The following SEMA3G variants were observed in gnomAD, a reference collection of about 807,000 sequenced individuals.
SEMA3G encodes the protein semaphorin 3G, also known as semaphorin-3G.
A neutral mutation model predicts 86.2 loss-of-function variants in SEMA3G; 70 were observed. The observed-to-expected ratio is 0.81, with a 90% CI of 0.67 to 0.99. The LOEUF is 0.99. SEMA3G is among the 50% of genes least tolerant of loss of function. SEMA3G has a pLI of 0.00. For missense variants in SEMA3G, 1,002 were observed against 1,072.4 expected, an observed-to-expected ratio of 0.93 and a Z score of 0.92; for synonymous variants, 416 against 441.4, an observed-to-expected ratio of 0.94 and a Z score of 0.72.
rs371572928 is a variant in SEMA3G at position 52,438,993 on chromosome 3, G to T, written c.1468-32C>A. 3.7e-6 allele frequency: 6 copies of T among 1,608,604 alleles called. No individual in the cohort carries two copies. In the East Asian group the frequency reaches 1.3e-4, roughly 36 times the overall value. On this transcript the variant is annotated intron_variant, in intron 12 of 15. Transcript: ENST00000231721. ...AAGGAGAAGGGTCTCAGTGTGGGTC[G>T]GGTGGACCAAGACCTGCCCCTGCAC...
chr3:52,438,334 A>C lies in SEMA3G; in HGVS notation c.1510-135T>G, dbSNP rs1706087752. ...CCAGAACCTCTTGGATTCATTCAAA[A>C]AACAAAAAGTGTTTATCACCCATCT... is the stretch of plus-strand genomic sequence containing the variant. On this transcript the variant is annotated intron_variant, in intron 13 of 15. Transcript: ENST00000231721. 2.1e-6 allele frequency: 3 copies of C among 1,426,078 alleles called. No individual in the cohort carries two copies. The African/African-American group carries it at 4.3e-5, about 20-fold the overall frequency. The allele number at this position is 1,426,078 out of a possible 1,614,324, so 88.3% of individuals were successfully genotyped here. A position where few individuals can be genotyped will look rare whatever the true frequency, so the allele number is the denominator to read the frequency against.
intron 1 of SEMA3G, among the ~76,000 whole-genome samples, chr3:52,444,330 C>T (rs1706217799): frequency 6.6e-6 from 1 of 152,128 alleles, no homozygotes; most frequent in African/African-American, 2.4e-5. Context: ...CTCCCACCGC[C>T]ACCCTGGTCC....
In SEMA3G at chr3:52,440,524, G is replaced by A; in HGVS notation, c.999-3C>T. 3.1e-6 allele frequency: 5 copies of A among 1,606,556 alleles called. No homozygotes were observed. Among genetic ancestry groups the A allele is most frequent in the Non-Finnish European group, 4.2e-6 (5 of 1,177,042 alleles). On this transcript the variant is annotated splice_polypyrimidine_tract_variant and splice_region_variant and intron_variant, in intron 9 of 15. Coordinates refer to ENST00000231721, the MANE Select transcript of SEMA3G (RefSeq NM_020163.3). The stretch of plus-strand genomic sequence containing the variant: ...CGGCGAAGCCCTGGAACACGGCACT[G>A]CCGGGGCACATGGGACAGTCAGGCC...
intron 13 of SEMA3G, 31 bp downstream of exon 13, chr3:52,438,889 G>A: frequency 6.2e-7 from 1 of 1,611,870 alleles, no homozygotes; most frequent in Non-Finnish European, 8.5e-7. Flanking sequence ...GCAGAAGGGG[G>A]GTCCAAGAGG....
Position 52,435,894 on chromosome 3 carries a change from C to A in SEMA3G, c.2058G>T (p.Glu686Asp). The change falls in exon 16 of 16, where the codon GAG (glutamate) becomes GAT (aspartate). Residue 686 changes from glutamate (E) to aspartate (D), a missense_variant. Glu to Asp is a conservative substitution (Grantham distance 45). Transcript: ENST00000231721. ...GGGCTGGGGGCTCCTCTGGCTTTGG[C>A]TCCGGAGGGAACAGGTTGTCCAGCT... ...ASQLDNLFPP[E>D]PKPEEPPARG... The A allele has an allele frequency of 6.2e-7, 1 of 1,614,074 alleles. No individual in the cohort carries two copies. Among genetic ancestry groups the A allele is most frequent in the Non-Finnish European group, 8.5e-7 (1 of 1,180,036 alleles).
intron 1 of SEMA3G, among the ~76,000 whole-genome samples, chr3:52,443,946 C>A (rs1706209592): frequency 6.6e-6 from 1 of 152,192 alleles, no homozygotes. Context: ...TCCGTGGAGG[C>A]CTGAGCCGGC....
chr3:52,442,870 G>T lies in SEMA3G; in HGVS notation c.153C>A (p.Gly51=). 6.2e-7 allele frequency: 1 copy of T among 1,608,116 alleles called. No individual in the cohort carries two copies. The highest frequency in any genetic ancestry group is 2.2e-5 in the East Asian group (1 of 44,626). The change falls in exon 2 of 16, where the codon GGC becomes GGA. Residue 51 remains glycine (G), a synonymous_variant. Transcript: ENST00000231721. The surrounding 1 kb of genome is among the most constrained non-coding windows in gnomAD (Gnocchi z 6.1). The stretch of plus-strand genomic sequence containing the variant: ...CCTGGAGGTTCAGGGAGCCCTGGGG[G>T]CCCAGAAAGATGGCAGAGCGGTTGG... ...LSANRSAIFL[G]PQGSLNLQAM... is the part of the protein sequence containing the mutation.
At chr3:52,440,892 TC>T in intron 8 of SEMA3G, 41 bp downstream of exon 8, 1 of 1,599,054 alleles carries the variant, frequency 6.3e-7, no homozygotes. Flanking sequence ...CTCTCAGCCC[TC>T]CCCACTCCCG....
At chr3:52,441,722 G>T in intron 5 of SEMA3G, 32 bp from the exon 6 acceptor site, 1 of 1,601,948 alleles carries the variant, frequency 6.2e-7, no homozygotes, top group African/African-American at 1.3e-5. Context: ...AGAGTCAGGG[G>T]AGGAGGCCCA....
rs1266846735 is a variant in SEMA3G at position 52,433,199 on chromosome 3, T to C, written c.*2404A>G. On this transcript the variant is annotated 3_prime_UTR_variant, in exon 16 of 16. Coordinates refer to ENST00000231721, the MANE Select transcript of SEMA3G (RefSeq NM_020163.3). ...GTCCTTTTCCAGCTCTAAAACCTGT[T>C]TGGGAAATCATGAAACAGAAGTCAC... is the stretch of plus-strand genomic sequence containing the variant. 1 of 152,204 alleles carries C rather than the reference T, an allele frequency of 6.6e-6. No individual in the cohort carries two copies. The highest frequency in any genetic ancestry group is 2.4e-5 in the African/African-American group (1 of 41,456). 9.4% of individuals were successfully genotyped at this position (152,204 alleles called of 1,614,324 possible).
chr3:52,442,925 G>A lies in SEMA3G; in HGVS notation c.116-18C>T. On this transcript the variant is annotated intron_variant, in intron 1 of 15. Coordinates refer to ENST00000231721, the MANE Select transcript of SEMA3G (RefSeq NM_020163.3). This position sits in a 1 kb window ranked among gnomAD's most constrained non-coding sequence, Gnocchi z 6.1. The stretch of plus-strand genomic sequence containing the variant: ...CAGGAGGTCTAGGAGGATGTATGGG[G>A]AGGCAGATCAGGGCCACAGCTCAGC... 1 of 1,576,346 alleles carries A rather than the reference G, an allele frequency of 6.3e-7. No homozygotes were observed. Among genetic ancestry groups the A allele is most frequent in the Non-Finnish European group, 8.6e-7 (1 of 1,160,984 alleles).
chr3:52,438,202 G>A lies in SEMA3G; in HGVS notation c.1510-3C>T, dbSNP rs1271652877. The A allele has an allele frequency of 1.9e-6, 3 of 1,611,088 alleles. No individual in the cohort carries two copies. The highest frequency in any genetic ancestry group is 2.5e-6 in the Non-Finnish European group (3 of 1,178,750). Reference sequence around the variant, plus strand: ...CGAGAGCCCACGTATAGCATTTGCTGGGGAGGGACAGAAGCAGAGCCTGAG... The same window carrying A: ...CGAGAGCCCACGTATAGCATTTGCTAGGGAGGGACAGAAGCAGAGCCTGAG... On this transcript the variant is annotated splice_region_variant and splice_polypyrimidine_tract_variant and intron_variant, in intron 13 of 15. Coordinates refer to ENST00000231721, the MANE Select transcript of SEMA3G (RefSeq NM_020163.3).
At position 52,441,010 on chromosome 3, in the gene SEMA3G, C is replaced by A; in HGVS notation, c.852G>T (p.Trp284Cys). ...CCAGCCTGGCCTTGAGGAAAGTGCT[C>A]CATTTGTTCACCAGCACCCGCTGGC... ...AGGQRVLVNK[W>C]STFLKARLVC... The change falls in exon 8 of 16, where the codon TGG (tryptophan) becomes TGT (cysteine). Residue 284 changes from tryptophan (W) to cysteine (C), a missense_variant. Coordinates refer to ENST00000231721, the MANE Select transcript of SEMA3G (RefSeq NM_020163.3). 1 of 1,604,074 alleles carries A rather than the reference C, an allele frequency of 6.2e-7. No individual in the cohort carries two copies.
intron 1 of SEMA3G, among the ~76,000 whole-genome samples, chr3:52,443,376 A>G (rs1372732210): frequency 6.6e-6 from 1 of 152,120 alleles, no homozygotes; most frequent in Non-Finnish European, 1.5e-5. Context: ...GGTGCAGAAA[A>G]GGGAAGGTAT....
rs1235351350 is a variant in SEMA3G at position 52,445,044 on chromosome 3, C to T, written c.-17G>A. On this transcript the variant is annotated 5_prime_UTR_variant, in exon 1 of 16. Transcript: ENST00000231721. ...GGGGGCCATGCTGGGGAACTGAGGG[C>T]ACCGCTGCCGCCTGCCTGCAGAGCC... 1.6e-6 allele frequency: 2 copies of T among 1,265,884 alleles called. No individual in the cohort carries two copies. The highest frequency in any genetic ancestry group is 2.0e-6 in the Non-Finnish European group (2 of 1,000,084). 78.4% of individuals were successfully genotyped at this position (1,265,884 alleles called of 1,614,324 possible). A position where few individuals can be genotyped will look rare whatever the true frequency, so the allele number is the denominator to read the frequency against.
chr3:52,437,682 G>A lies in SEMA3G; in HGVS notation c.1739-16C>T, dbSNP rs749212473. 1.2e-6 allele frequency: 2 copies of A among 1,604,440 alleles called. No individual in the cohort carries two copies. The highest frequency in any genetic ancestry group is 1.1e-5 in the South Asian group (1 of 90,760). ...ACTGCCTCTTCTGGAGAGAGGCAGA[G>A]GTTGGCTCAGCTTGGGAACTATGGG... On this transcript the variant is annotated splice_polypyrimidine_tract_variant and intron_variant, in intron 14 of 15. Coordinates refer to ENST00000231721, the MANE Select transcript of SEMA3G (RefSeq NM_020163.3).
chr3:52,440,760 G>C lies in SEMA3G; in HGVS notation c.992C>G (p.Thr331Ser), dbSNP rs1199397329. 64 of 1,612,886 alleles carry C rather than the reference G, an allele frequency of 4.0e-5. No homozygotes were observed. Among genetic ancestry groups the C allele is most frequent in the Non-Finnish European group, 5.4e-5 (64 of 1,179,834 alleles). Residue 331 changes from threonine to serine, a missense_variant, in exon 9 of 16, where the codon ACC (threonine) becomes AGC (serine). By Grantham distance (58) the Thr-to-Ser change is moderately conservative. Transcript: ENST00000231721. ...KSLEVYALFSTVSAVFQGFAV... is the reference protein window; with the variant it reads ...KSLEVYALFSSVSAVFQGFAV... The stretch of plus-strand genomic sequence containing the variant: ...GGGTGCTGGGTGTGCCCACCTGACG[G>C]TGCTGAACAGCGCGTACACCTCGAG...
chr3:52,435,770 G>A lies in SEMA3G; in HGVS notation c.2182C>T (p.Arg728Cys), dbSNP rs758775695. The A allele has an allele frequency of 3.8e-5, 62 of 1,613,980 alleles. No homozygotes were observed. The highest frequency in any genetic ancestry group is 3.0e-5 in the Non-Finnish European group (35 of 1,180,028). Residue 728 changes from arginine to cysteine, a missense_variant, in exon 16 of 16, where the codon CGC (arginine) becomes TGC (cysteine). Arg to Cys is a radical substitution (Grantham distance 180). Transcript: ENST00000231721. The stretch of plus-strand genomic sequence containing the variant: ...TCCGTGGTGCCCCTGCACCACACGC[G>A]CTCACAGTACTCATCCACCCGGGGC... ...NLPRVDEYCE[R>C]VWCRGTTECS...
intron 1 of SEMA3G, among the ~76,000 whole-genome samples, chr3:52,443,918 G>A (rs542979403): frequency 9.8e-5 from 15 of 152,316 alleles, no homozygotes; most frequent in Non-Finnish European, 1.9e-4. Flanking sequence ...AGCCTGTCTC[G>A]GGCCTTCCCT....
Sources: gnomAD v4.1 joint callset for allele counts (sites outside exome capture counted in the v4.1 genomes callset) on GRCh38, gnomAD v4.1.1 for gene constraint, Gnocchi (gnomAD v3.1) non-coding constraint, MANE v1.5 for transcripts, NCBI Gene and HGNC (gene_info 2026-07-23, HGNC 2026-07-21) for gene names.